CSPG4: variants seen among roughly 807,000 people sequenced by gnomAD.
CSPG4 encodes the protein chondroitin sulfate proteoglycan 4, also known as chondroitin sulfate proteoglycan 4 (melanoma-associated).
CSPG4 carries 74 observed loss-of-function variants against 139.3 expected under a neutral mutation model. That is an observed-to-expected ratio of 0.53 (90% CI 0.44 to 0.64). The LOEUF (loss-of-function observed/expected upper bound fraction) is 0.64, where lower values mean the gene tolerates loss of function less well. CSPG4 is among the 30% of genes least tolerant of loss of function. The probability of loss-of-function intolerance (pLI) is 0.00; values close to 1 mark genes in which losing one functional copy is unlikely to be tolerated. For missense variants in CSPG4, 2,565 were observed against 3,148.3 expected, an observed-to-expected ratio of 0.81 and a Z score of 4.43; for synonymous variants, 1,234 against 1,394.2, an observed-to-expected ratio of 0.89 and a Z score of 2.56.
intron 8 of CSPG4, chr15:75,679,911 C>T (rs1324569745): frequency 6.6e-6 from 1 of 152,268 alleles, no homozygotes; most frequent in African/African-American, 2.4e-5. Context: ...GTTTCGATCT[C>T]TTGACCTCGT....
chr15:75,705,911 G>T (rs182195254), intron 1 of CSPG4, among the ~76,000 whole-genome samples: 1 of 152,098 alleles, frequency 6.6e-6, no homozygotes, highest in Non-Finnish European at 1.5e-5. Context: ...CTGTGTGCGT[G>T]TGTGTGTGCG....
rs374349137 is a variant in CSPG4 at position 75,687,529 on chromosome 15, C to T, written c.3536G>A (p.Arg1179Gln). 55 of 1,611,732 alleles carry T rather than the reference C, an allele frequency of 3.4e-5. 1 individual carries two copies. The African/African-American group carries it at 3.5e-4, about 10-fold the overall frequency. The change falls in exon 3 of 10, where the codon CGG becomes CAG. Residue 1179 changes from arginine to glutamine, a missense_variant. By Grantham distance (43) the Arg-to-Gln change is conservative (BLOSUM62 1). Around this residue, in one of 5 missense-constraint regions of CSPG4, gnomAD observed 2,316 missense variants for 2,818.2 expected, o/e 0.82. Transcript: ENST00000308508. This position sits in a 1 kb window ranked among gnomAD's most constrained non-coding sequence, Gnocchi z 5.4. Reference protein sequence around the residue: ...TAGPRWGQLVRAGQPATAFSQ... With the variant: ...TAGPRWGQLVQAGQPATAFSQ... Reference sequence around the variant, plus strand: ...GAAGGCTGTGGCTGGCTGACCAGCCCGGACTAGCTGTCCCCAGCGAGGGCC... The same window carrying T: ...GAAGGCTGTGGCTGGCTGACCAGCCTGGACTAGCTGTCCCCAGCGAGGGCC...
At chr15:75,707,113 C>T (rs763503084) in intron 1 of CSPG4, among the ~76,000 whole-genome samples, 6 of 152,012 alleles carry the variant, frequency 3.9e-5, no homozygotes, top group Non-Finnish European at 7.4e-5. Flanking sequence ...GTCGCCAGCA[C>T]GCCCAGCTAA....
chr15:75,707,114 G>A (rs891518450), intron 1 of CSPG4, among the ~76,000 whole-genome samples: 3 of 151,924 alleles, frequency 2.0e-5, no homozygotes, highest in African/African-American at 7.3e-5. Context: ...TCGCCAGCAC[G>A]CCCAGCTAAT....
At position 75,687,247 on chromosome 15, in the gene CSPG4, A is replaced by G; in HGVS notation, c.3789+29T>C. The G allele has an allele frequency of 6.2e-7, 1 of 1,607,430 alleles. No homozygotes were observed. On this transcript the variant is annotated intron_variant, in intron 3 of 9. Coordinates refer to ENST00000308508, the MANE Select transcript of CSPG4 (RefSeq NM_001897.5). This position sits in a 1 kb window ranked among gnomAD's most constrained non-coding sequence, Gnocchi z 5.4. ...GGAGAAGGCCCTCTACCTGGCCCAC[A>G]CCCCTGCTCACCACCTCCAACTCCT...
At chr15:75,709,495 C>T (rs1321604350) in intron 1 of CSPG4, among the ~76,000 whole-genome samples, 1 of 152,188 alleles carries the variant, frequency 6.6e-6, no homozygotes, top group Non-Finnish European at 1.5e-5. Context: ...ATCCTGTGCT[C>T]ACTTCCTTCC....
In CSPG4 at chr15:75,677,100, GC is replaced by G; in HGVS notation, c.5418del (p.Pro1807GlnfsTer19). 1 of 1,413,630 alleles carries G rather than the reference GC, an allele frequency of 7.1e-7. No individual in the cohort carries two copies. Among genetic ancestry groups the G allele is most frequent in the Non-Finnish European group, 9.3e-7 (1 of 1,079,606 alleles). 87.6% of individuals were successfully genotyped at this position (1,413,630 alleles called of 1,614,324 possible). On this transcript the variant is annotated frameshift_variant, in exon 10 of 10. Coordinates refer to ENST00000308508, the MANE Select transcript of CSPG4 (RefSeq NM_001897.5). LOFTEE classifies it low-confidence loss of function (END_TRUNC). ...GGTCCAGCCACGGAGGCCCCTGCTG[GC>G]CCCTGGAGGTGGGCACGAAAGTGGA... ...DGFHFRAHLQGPAGASVAGPQ... is the reference protein window; with the variant it reads ...DGFHFRAHLQXPAGASVAGPQ...
intron 1 of CSPG4, among the ~76,000 whole-genome samples, chr15:75,702,652 C>G (rs1217391724): frequency 2.0e-5 from 3 of 152,254 alleles, no homozygotes; most frequent in African/African-American, 7.2e-5. Context: ...TCCAGAGCCC[C>G]AGGGCTCAGA....
chr15:75,685,845 A>C, intron 3 of CSPG4, 144 bp from the exon 4 acceptor site: 1 of 908,234 alleles, frequency 1.1e-6, no homozygotes, highest in Non-Finnish European at 1.6e-6. Flanking sequence ...ACACACAAAC[A>C]CACACGTGGG....
Position 75,687,269 on chromosome 15 carries a change from T to A in CSPG4, c.3789+7A>T, listed in dbSNP as rs1223842357. 6.2e-7 allele frequency: 1 copy of A among 1,609,960 alleles called. No individual in the cohort carries two copies. The highest frequency in any genetic ancestry group is 1.1e-5 in the South Asian group (1 of 90,958). ...CACACCCCTGCTCACCACCTCCAAC[T>A]CCTCACCTCCAGCTGGTCCCTTCTG... On this transcript the variant is annotated splice_region_variant and intron_variant, in intron 3 of 9. Coordinates refer to ENST00000308508, the MANE Select transcript of CSPG4 (RefSeq NM_001897.5). The surrounding 1 kb of genome is among the most constrained non-coding windows in gnomAD (Gnocchi z 5.4).
In CSPG4 at chr15:75,687,746, C is replaced by A; in HGVS notation, c.3319G>T (p.Val1107Leu). The A allele has an allele frequency of 6.2e-7, 1 of 1,612,936 alleles. No individual in the cohort carries two copies. The highest frequency in any genetic ancestry group is 8.5e-7 in the Non-Finnish European group (1 of 1,180,008). Residue 1107 changes from valine (V) to leucine (L), a missense_variant, in exon 3 of 10, where the codon GTG becomes TTG. Coordinates refer to ENST00000308508, the MANE Select transcript of CSPG4 (RefSeq NM_001897.5). This position sits in a 1 kb window ranked among gnomAD's most constrained non-coding sequence, Gnocchi z 5.4. ...GTGGCCTGGTGTTGCCCGTCGGACA[C>A]CTGCAGCTGGATCCAGCCACGGTCA... ...GADRGWIQLQ[V>L]SDGQHQATAL...
In CSPG4 at chr15:75,674,572, G is replaced by A. The variant is rs571605790; in HGVS notation, c.*978C>T. 6 of 394,846 alleles carry A rather than the reference G, an allele frequency of 1.5e-5. No individual in the cohort carries two copies. The highest frequency in any genetic ancestry group is 2.2e-5 in the Non-Finnish European group (5 of 223,912). 24.5% of individuals were successfully genotyped at this position (394,846 alleles called of 1,614,324 possible). A position where few individuals can be genotyped will look rare whatever the true frequency, so the allele number is the denominator to read the frequency against. On this transcript the variant is annotated 3_prime_UTR_variant, in exon 10 of 10. Coordinates refer to ENST00000308508, the MANE Select transcript of CSPG4 (RefSeq NM_001897.5). ...CCCAGGGGCCCTCTGTATGCAAGCC[G>A]ACGCAGACAAGGGCCCAGTGCATAG...
rs774678908 is a variant in CSPG4 at position 75,696,946 on chromosome 15, T to A, written c.89-3713A>T. On this transcript the variant is annotated intron_variant, in intron 1 of 9. Transcript: ENST00000308508. The surrounding 1 kb of genome is among the most constrained non-coding windows in gnomAD (Gnocchi z 4.2). ...TCCCCGGAGGCACTACTAGGAGGAG[T>A]GTGGATGGGCCCCTGAGGCTTCCAG... Among the ~76,000 whole-genome samples the A allele has an allele frequency of 6.6e-6, 1 of 151,864 alleles. No homozygotes were observed. Among genetic ancestry groups the A allele is most frequent in the African/African-American group, 2.4e-5 (1 of 41,342 alleles).
In CSPG4 at chr15:75,676,861, AC is replaced by A. The variant is rs752256230; in HGVS notation, c.5657del (p.Gly1886ValfsTer6). 3 of 1,583,330 alleles carry A rather than the reference AC, an allele frequency of 1.9e-6. No homozygotes were observed. The highest frequency in any genetic ancestry group is 2.6e-6 in the Non-Finnish European group (3 of 1,164,526). On this transcript the variant is annotated frameshift_variant, in exon 10 of 10. Coordinates refer to ENST00000308508, the MANE Select transcript of CSPG4 (RefSeq NM_001897.5). LOFTEE classifies it low-confidence loss of function (END_TRUNC). ...PHNGFLSLVG[G>X]GLGPVTRFTQ... The stretch of plus-strand genomic sequence containing the variant: ...TGAAGCGGGTCACGGGCCCCAGGCC[AC>A]CACCCACCAGGCTGAGGAAGCCGTT...
chr15:75,682,289 T>G lies in CSPG4; in HGVS notation c.4950+4A>C. 3 of 1,596,598 alleles carry G rather than the reference T, an allele frequency of 1.9e-6. No homozygotes were observed. The highest frequency in any genetic ancestry group is 2.5e-6 in the Non-Finnish European group (3 of 1,179,888). On this transcript the variant is annotated splice_donor_region_variant and intron_variant, in intron 8 of 9. Coordinates refer to ENST00000308508, the MANE Select transcript of CSPG4 (RefSeq NM_001897.5). The stretch of plus-strand genomic sequence containing the variant: ...GAGTGGTGGCTGCAAAGTTGGGCCC[T>G]TACCTCTGCCTGAGTGAAGTTCACC...
chr15:75,689,028 C>G lies in CSPG4; in HGVS notation c.2037G>C (p.Met679Ile). 4 of 1,611,938 alleles carry G rather than the reference C, an allele frequency of 2.5e-6. No individual in the cohort carries two copies. Among genetic ancestry groups the G allele is most frequent in the Middle Eastern group, 1.8e-4 (1 of 5,426 alleles). Residue 679 changes from methionine to isoleucine, a missense_variant, in exon 3 of 10, where the codon ATG (methionine) becomes ATC (isoleucine). By Grantham distance (10) the Met-to-Ile change is conservative. Transcript: ENST00000308508. ...TGLRLAQGSA[M>I]PILPANLSVE... ...CCGACAGGTTGGCGGGCAAGATGGG[C>G]ATGGCAGAGCCTTGGGCCAGTCGCA... is the stretch of plus-strand genomic sequence containing the variant.
Position 75,677,854 on chromosome 15 carries a change from C to T in CSPG4, c.4983G>A (p.Glu1661=), listed in dbSNP as rs1893916211. Residue 1661 remains glutamate, a synonymous_variant, in exon 9 of 10, where the codon GAG becomes GAA. Transcript: ENST00000308508. ...VYAGNILYEH[E]MPPEPFWEAH... is the part of the protein sequence containing the mutation. ...CCTCCCAAAAGGGCTCGGGGGGCAT[C>T]TCATGCTCATACAGAATATTCCCAG... The T allele has an allele frequency of 1.9e-6, 3 of 1,612,498 alleles. No individual in the cohort carries two copies. The African/African-American group carries it at 4.0e-5, about 22-fold the overall frequency.
chr15:75,682,808 C>A (rs1893993502), intron 6 of CSPG4, 35 bp downstream of exon 6: 2 of 1,606,044 alleles, frequency 1.2e-6, no homozygotes, highest in Non-Finnish European at 1.7e-6. Flanking sequence ...CCCCCGTGGG[C>A]AGCAGGAACC....
intron 1 of CSPG4, among the ~76,000 whole-genome samples, chr15:75,707,375 G>A (rs943961345): frequency 1.3e-5 from 2 of 152,210 alleles, no homozygotes; most frequent in Non-Finnish European, 2.9e-5. Flanking sequence ...TCAATTTCAT[G>A]TTTAGACTTG....
Sources: gnomAD v4.1 joint callset for allele counts (sites outside exome capture counted in the v4.1 genomes callset) on GRCh38, gnomAD v4.1.1 for gene constraint, gnomAD v4.1.1 regional missense constraint, Gnocchi (gnomAD v3.1) non-coding constraint, MANE v1.5 for transcripts, NCBI Gene and HGNC (gene_info 2026-07-23, HGNC 2026-07-21) for gene names.